Variants in ZEB1 observed in about 807,000 individuals in gnomAD.
ZEB1 encodes zinc finger E-box binding homeobox 1, also known as zinc finger E-box-binding homeobox 1.
In ZEB1, 21 loss-of-function variants were observed where a neutral mutation model predicts 84.9. The observed-to-expected ratio is 0.25, with a 90% CI of 0.18 to 0.36. ZEB1 has a LOEUF of 0.36. Among genes scored for constraint, ZEB1 ranks in the 10% least tolerant of loss-of-function variants. ZEB1 has a pLI of 1.00. For missense variants in ZEB1, 1,104 were observed against 1,330.2 expected (o/e 0.83, Z 2.65); for synonymous variants, 420 against 471.1 (o/e 0.89, Z 1.41).
At chr10:31,478,076 A>G (rs1178012878) in intron 2 of ZEB1, among the ~76,000 whole-genome samples, 1 of 152,114 alleles carries the variant, frequency 6.6e-6, no homozygotes, top group Non-Finnish European at 1.5e-5. Flanking sequence ...CAGACAACCT[A>G]CAGAATGAGA....
At chr10:31,460,568 G>A (rs1041542429) in intron 1 of ZEB1, among the ~76,000 whole-genome samples, 8 of 151,930 alleles carry the variant, frequency 5.3e-5, no homozygotes, top group Non-Finnish European at 8.8e-5. Flanking sequence ...CTGTAGGCTC[G>A]TTATCATTGG....
intron 2 of ZEB1, among the ~76,000 whole-genome samples, chr10:31,465,461 T>A (rs77802684): frequency 0.053 from 7,812 of 148,194 alleles, 574 homozygotes; most frequent in East Asian, 0.18. Flanking sequence ...TTGCAAAAAA[T>A]ATATATATAT....
At position 31,523,918 on chromosome 10, in the gene ZEB1, C is replaced by G; in HGVS notation, c.2605-15C>G. On this transcript the variant is annotated splice_polypyrimidine_tract_variant and intron_variant, in intron 7 of 8. Coordinates refer to ENST00000424869, the MANE Select transcript of ZEB1 (RefSeq NM_001174096.2). ...TAATGTTAAATTACATTTTCTCACA[C>G]CTTTCTCCCTCTAGGATGAAAGACA... The G allele has an allele frequency of 6.2e-7, 1 of 1,612,606 alleles. No individual in the cohort carries two copies. Among genetic ancestry groups the G allele is most frequent in the Non-Finnish European group, 8.5e-7 (1 of 1,178,798 alleles).
At chr10:31,421,719 G>C (rs2056192039) in intron 1 of ZEB1, among the ~76,000 whole-genome samples, 1 of 151,894 alleles carries the variant, frequency 6.6e-6, no homozygotes, top group Non-Finnish European at 1.5e-5. Flanking sequence ...TTTTCTCTTT[G>C]TTCTCTACCT....
intron 8 of ZEB1, among the ~76,000 whole-genome samples, chr10:31,524,558 T>C (rs2073052302): frequency 6.6e-6 from 1 of 152,230 alleles, no homozygotes; most frequent in African/African-American, 2.4e-5. Flanking sequence ...CATTTTCACC[T>C]GTTTGCCCAC....
rs572071495 is a variant in ZEB1, at chr10:31,427,844, G to GC, written c.59-33192dup. ...ACTGCACTCCAGCCTGGGCAACTGAGCAAGACTCCATCTCAAAAAAAAAAA... is the reference window on the plus strand; with the variant it reads ...ACTGCACTCCAGCCTGGGCAACTGAGCCAAGACTCCATCTCAAAAAAAAAAA... On this transcript the variant is annotated intron_variant, in intron 1 of 8. Coordinates refer to ENST00000424869, the MANE Select transcript of ZEB1 (RefSeq NM_001174096.2). Among the ~76,000 whole-genome samples the GC allele has an allele frequency of 2.5e-3, 379 of 149,658 alleles. 3 individuals carry two copies. The highest frequency in any genetic ancestry group is 0.014 in the Middle Eastern group (4 of 290).
chr10:31,353,745 T>C (rs1313236585), intron 1 of ZEB1, among the ~76,000 whole-genome samples: 2 of 152,284 alleles, frequency 1.3e-5, no homozygotes, highest in East Asian at 3.9e-4. Flanking sequence ...GTCAGCTTTG[T>C]TGGTTTTAGT....
chr10:31,343,172 G>C (rs778011747), intron 1 of ZEB1, among the ~76,000 whole-genome samples: 3 of 152,016 alleles, frequency 2.0e-5, no homozygotes, highest in Non-Finnish European at 4.4e-5. Context: ...TGAAGCTCTT[G>C]AGAGCTTTCT....
chr10:31,524,202 CTTTT>C (rs59206948), intron 8 of ZEB1, 89 bp downstream of exon 8: 9 of 1,042,178 alleles, frequency 8.6e-6, no homozygotes, highest in African/African-American at 1.7e-5. Flanking sequence ...AATTTTCTTT[CTTTT>C]TTTTTTTTTT....
intron 1 of ZEB1, among the ~76,000 whole-genome samples, chr10:31,427,489 C>G (rs1053094398): frequency 2.6e-5 from 4 of 152,238 alleles, no homozygotes; most frequent in South Asian, 4.1e-4. Context: ...TCTCTCCCCC[C>G]ACCTCCCTTG....
chr10:31,372,876 A>G (rs1394740043), intron 1 of ZEB1: 7 of 508,306 alleles, frequency 1.4e-5, no homozygotes, highest in Middle Eastern at 1.9e-3. Context: ...GGATTCTTTT[A>G]TTATAGCATG....
At chr10:31,505,434 A>G (rs1045816374) in intron 4 of ZEB1, among the ~76,000 whole-genome samples, 4 of 151,936 alleles carry the variant, frequency 2.6e-5, no homozygotes, top group Non-Finnish European at 5.9e-5. Flanking sequence ...TGAAATATTC[A>G]TTATGGATTC....
At chr10:31,505,192 A>AT (rs1485191903) in intron 4 of ZEB1, among the ~76,000 whole-genome samples, 2 of 151,992 alleles carry the variant, frequency 1.3e-5, no homozygotes, top group East Asian at 1.9e-4. Flanking sequence ...GTTTGTGAAT[A>AT]TTTTTTTGAG....
intron 1 of ZEB1, among the ~76,000 whole-genome samples, chr10:31,448,768 A>G (rs7096282): frequency 0.25 from 37,652 of 151,726 alleles, 10,380 homozygotes; most frequent in African/African-American, 0.69. Flanking sequence ...CAGTCTGCCC[A>G]TTCTCAGATC....
At chr10:31,442,050 A>G (rs560627034) in intron 1 of ZEB1, among the ~76,000 whole-genome samples, 2 of 152,346 alleles carry the variant, frequency 1.3e-5, no homozygotes, top group Non-Finnish European at 1.5e-5. Flanking sequence ...CAGCCATCCC[A>G]TTACTGGGTA....
At chr10:31,325,740 T>C (rs2035333270) in intron 1 of ZEB1, among the ~76,000 whole-genome samples, 1 of 152,044 alleles carries the variant, frequency 6.6e-6, no homozygotes, top group Non-Finnish European at 1.5e-5. Flanking sequence ...TATTGTTTTA[T>C]TCTATATTGA....
chr10:31,526,622 T>G, intron 8 of ZEB1, 50 bp from the exon 9 acceptor site: 1 of 1,603,858 alleles, frequency 6.2e-7, no homozygotes, highest in Non-Finnish European at 8.5e-7. Flanking sequence ...GTATAAGGAT[T>G]TTATTTGCTG....
chr10:31,514,741 A>G (rs1364880359), intron 6 of ZEB1, 33 bp downstream of exon 6: 1 of 1,459,566 alleles, frequency 6.9e-7, no homozygotes, highest in Non-Finnish European at 9.6e-7. Flanking sequence ...TACCCTGAAT[A>G]TCATAGCATA....
intron 1 of ZEB1, among the ~76,000 whole-genome samples, chr10:31,325,032 T>G (rs1349753836): frequency 6.6e-6 from 1 of 152,050 alleles, no homozygotes; most frequent in Non-Finnish European, 1.5e-5. Context: ...TTAGTTTTAC[T>G]AAATAAAAAT....
Sources: gnomAD v4.1 joint callset for allele counts (sites outside exome capture counted in the v4.1 genomes callset) on GRCh38, gnomAD v4.1.1 for gene constraint, MANE v1.5 for transcripts, NCBI Gene and HGNC (gene_info 2026-07-23, HGNC 2026-07-21) for gene names.